The following PIK3C2G variants were observed in gnomAD, a reference collection of about 807,000 sequenced individuals.
The protein encoded by PIK3C2G is phosphatidylinositol 3-kinase C2 domain-containing subunit gamma.
Under a neutral mutation model 181.1 loss-of-function variants are expected in PIK3C2G, and 168 were observed. That is an observed-to-expected ratio of 0.93 (90% CI 0.82 to 1.05). PIK3C2G has a LOEUF of 1.05. Ranked by LOEUF, PIK3C2G falls within the 50% of genes least tolerant of loss-of-function variation. The probability of loss-of-function intolerance (pLI) is 0.00; values close to 1 mark genes in which losing one functional copy is unlikely to be tolerated. For missense variants in PIK3C2G, 1,869 were observed against 1,732.8 expected, an observed-to-expected ratio of 1.08 and a Z score of -1.40; for synonymous variants, 573 against 592.2, an observed-to-expected ratio of 0.97 and a Z score of 0.47.
At chr12:18,337,300 G>A (rs1056215333) in intron 8 of PIK3C2G, among the ~76,000 whole-genome samples, 6 of 151,516 alleles carry the variant, frequency 4.0e-5, no homozygotes, top group African/African-American at 1.5e-4. Flanking sequence ...TTAAGAACAT[G>A]TGTAAATCTG....
intron 18 of PIK3C2G, among the ~76,000 whole-genome samples, chr12:18,472,900 A>G (rs1027610619): frequency 6.6e-6 from 1 of 152,106 alleles, no homozygotes; most frequent in African/African-American, 2.4e-5. Context: ...CGGTTTCACC[A>G]TGTTGGCCAG....
chr12:18,585,599 T>G (rs1335321821), intron 29 of PIK3C2G, among the ~76,000 whole-genome samples: 2 of 152,114 alleles, frequency 1.3e-5, no homozygotes, highest in Non-Finnish European at 2.9e-5. Context: ...AATAATAGTG[T>G]GAGACTTCAA....
chr12:18,640,180 G>A (rs1053834045), intron 31 of PIK3C2G, among the ~76,000 whole-genome samples: 6 of 151,908 alleles, frequency 3.9e-5, no homozygotes, highest in African/African-American at 1.5e-4. Flanking sequence ...TAAATTATAT[G>A]TAATGGACTT....
intron 30 of PIK3C2G, among the ~76,000 whole-genome samples, chr12:18,599,738 A>G (rs1284602170): frequency 2.6e-5 from 4 of 151,770 alleles, no homozygotes; most frequent in African/African-American, 9.7e-5. Context: ...TGATTGTGAA[A>G]GGTTGAAAAT....
At chr12:18,660,291 C>G in the PIK3C2G span, among the ~76,000 whole-genome samples, 28 of 152,188 alleles carry the variant, frequency 1.8e-4, no homozygotes, top group African/African-American at 6.7e-4. Flanking sequence ...GGATACTGTC[C>G]ATTAAATATC....
chr12:18,535,519 T>C (rs531131857), intron 24 of PIK3C2G, among the ~76,000 whole-genome samples: 4 of 152,110 alleles, frequency 2.6e-5, no homozygotes, highest in Non-Finnish European at 4.4e-5. Flanking sequence ...TCTCATGAAC[T>C]TGAGCATAAC....
chr12:18,274,183 G>A (rs1055306730), intron 1 of PIK3C2G, among the ~76,000 whole-genome samples: 1 of 152,110 alleles, frequency 6.6e-6, no homozygotes, highest in African/African-American at 2.4e-5. Flanking sequence ...GGAGAAATAG[G>A]AACACTTTTA....
chr12:18,509,488 G>A (rs975564445), intron 24 of PIK3C2G, among the ~76,000 whole-genome samples: 3 of 152,120 alleles, frequency 2.0e-5, no homozygotes, highest in Non-Finnish European at 2.9e-5. Context: ...TCACCATTCC[G>A]GAACATCTCA....
At chr12:18,418,109 T>C (rs931011626) in intron 16 of PIK3C2G, among the ~76,000 whole-genome samples, 12 of 152,126 alleles carry the variant, frequency 7.9e-5, no homozygotes, top group Non-Finnish European at 1.0e-4. Context: ...AAAGAAAACA[T>C]TGAACAATCC....
At chr12:18,650,688 GTGTGTGTGTGTGTGTGTATATATC>G (rs1565602219), downstream of PIK3C2G, among the ~76,000 whole-genome samples, 160 of 40,160 alleles carry the variant, frequency 4.0e-3, 1 homozygote, top group East Asian at 0.031. Flanking sequence ...GTGTGTGTGT[GTGTGTGTGTGTGTGTGTATATATC>G]TATATATATA....
chr12:18,377,627 A>G (rs1942544921), intron 13 of PIK3C2G, among the ~76,000 whole-genome samples: 1 of 152,168 alleles, frequency 6.6e-6, no homozygotes. Flanking sequence ...AATAAAGGGA[A>G]GGTAATAAAG....
At chr12:18,630,965 G>T (rs1949326781) in intron 31 of PIK3C2G, among the ~76,000 whole-genome samples, 1 of 151,802 alleles carries the variant, frequency 6.6e-6, no homozygotes, top group South Asian at 2.1e-4. Flanking sequence ...TCTTTGTGAA[G>T]GTCTAAAATG....
chr12:18,273,805 G>A (rs1948851681), intron 1 of PIK3C2G, among the ~76,000 whole-genome samples: 1 of 152,052 alleles, frequency 6.6e-6, no homozygotes, highest in East Asian at 1.9e-4. Flanking sequence ...TTGAAAAATG[G>A]GATCTAATTA....
chr12:18,520,390 A>G (rs1942835824), intron 24 of PIK3C2G, among the ~76,000 whole-genome samples: 1 of 151,672 alleles, frequency 6.6e-6, no homozygotes, highest in African/African-American at 2.4e-5. Flanking sequence ...ACATAGTCCC[A>G]TATTTCTTGG....
At position 18,399,825 on chromosome 12, in the gene PIK3C2G, G is replaced by A. The variant is rs758616836; in HGVS notation, c.2293G>A (p.Ala765Thr). 15 of 1,583,184 alleles carry A rather than the reference G, an allele frequency of 9.5e-6. No individual in the cohort carries two copies. The Admixed American group carries it at 2.6e-4, about 27-fold the overall frequency. The change falls in exon 16 of 33, where the codon GCT becomes ACT. Residue 765 changes from alanine to threonine, a missense_variant. By Grantham distance (58) the Ala-to-Thr change is moderately conservative. Coordinates refer to ENST00000538779, the MANE Select transcript of PIK3C2G (RefSeq NM_001288772.2). ...ATGGACATTTTCTCAACCTTTAGAG[G>A]CTCTTGGGCTTTTGACTTCCAGGTA... The part of the protein sequence containing the change: ...RRWTFSQPLE[A>T]LGLLTSSFPD...
intron 18 of PIK3C2G, among the ~76,000 whole-genome samples, chr12:18,487,987 G>A (rs941255150): frequency 1.3e-5 from 2 of 152,028 alleles, no homozygotes; most frequent in Non-Finnish European, 2.9e-5. Flanking sequence ...GGAGGTGCTC[G>A]GAAAAAGACA....
At chr12:18,295,792 G>T (rs1257321621) in intron 5 of PIK3C2G, among the ~76,000 whole-genome samples, 1 of 151,860 alleles carries the variant, frequency 6.6e-6, no homozygotes, top group East Asian at 1.9e-4. Context: ...TATTTGTATT[G>T]ACAGAACTTA....
chr12:18,723,908 T>C, the PIK3C2G span, among the ~76,000 whole-genome samples: 1 of 152,084 alleles, frequency 6.6e-6, no homozygotes, highest in Non-Finnish European at 1.5e-5. Context: ...GGACCATATA[T>C]GTCAGAGTGA....
intron 11 of PIK3C2G, 54 bp downstream of exon 11, chr12:18,346,890 T>A: frequency 8.5e-7 from 1 of 1,174,852 alleles, no homozygotes; most frequent in Non-Finnish European, 1.2e-6. Flanking sequence ...AGCTTCTAAG[T>A]AGAATGCAAT....
Sources: gnomAD v4.1 joint callset for allele counts (sites outside exome capture counted in the v4.1 genomes callset) on GRCh38, gnomAD v4.1.1 for gene constraint, MANE v1.5 for transcripts, NCBI Gene and HGNC (gene_info 2026-07-23, HGNC 2026-07-21) for gene names.